RANBP2: variants seen among roughly 807,000 people sequenced by gnomAD.
The protein encoded by RANBP2 is RAN binding protein 2, also known as E3 SUMO-protein ligase RanBP2.
RANBP2 carries 57 observed loss-of-function variants against 303.6 expected under a neutral mutation model. That is an observed-to-expected ratio of 0.19 (90% confidence interval 0.15 to 0.23). The LOEUF (loss-of-function observed/expected upper bound fraction) is 0.23. Ranked by LOEUF, RANBP2 falls within the 10% of genes least tolerant of loss-of-function variation. The probability of loss-of-function intolerance (pLI) is 1.00; values close to 1 mark genes in which losing one functional copy is unlikely to be tolerated. For synonymous variants in RANBP2, 1,167 were observed against 1,301.5 expected, an observed-to-expected ratio of 0.90 and a Z score of 2.23; for missense variants, 3,138 against 3,780.8, an observed-to-expected ratio of 0.83 and a Z score of 4.46.
At chr2:109,449,038 G>GA in the RANBP2 span, 1 of 1,089,994 alleles carries the variant, frequency 9.2e-7, no homozygotes, top group African/African-American at 1.6e-5. Flanking sequence ...GGCCAGGTCT[G>GA]TCTGGAGAAA....
the RANBP2 span, among the ~76,000 whole-genome samples, chr2:108,843,844 TTGTGTGTGTGTG>T: frequency 8.8e-5 from 2 of 22,838 alleles, no homozygotes; most frequent in African/African-American, 1.3e-4. Context: ...AGTTCATGTT[TTGTGTGTGTGTG>T]TGTGTGTGTG....
At chr2:109,276,711 A>G in the RANBP2 span, among the ~76,000 whole-genome samples, 18 of 152,286 alleles carry the variant, frequency 1.2e-4, no homozygotes, top group Non-Finnish European at 1.5e-5. Context: ...CTTGTTTTAA[A>G]TCACATTATT....
the RANBP2 span, among the ~76,000 whole-genome samples, chr2:109,062,787 G>A: frequency 1.3e-5 from 2 of 151,806 alleles, no homozygotes; most frequent in Non-Finnish European, 2.9e-5. Flanking sequence ...TTGATCCCAG[G>A]GATGCTAGGA....
At chr2:108,818,153 A>G in the RANBP2 span, among the ~76,000 whole-genome samples, 1 of 152,090 alleles carries the variant, frequency 6.6e-6, no homozygotes, top group Admixed American at 6.6e-5. Context: ...AAAAAATACA[A>G]AAGTTAGCCA....
chr2:109,586,078 T>C, the RANBP2 span, among the ~76,000 whole-genome samples: 1 of 152,182 alleles, frequency 6.6e-6, no homozygotes, highest in Non-Finnish European at 1.5e-5. Context: ...ATGTATAACA[T>C]TAAAACATTC....
intron 24 of RANBP2, 43 bp from the exon 25 acceptor site, chr2:108,777,087 A>G: frequency 6.4e-7 from 1 of 1,556,496 alleles, no homozygotes; most frequent in Non-Finnish European, 8.8e-7. Context: ...TTTGATATTC[A>G]GCACAAATTA....
chr2:109,303,813 A>G, the RANBP2 span, among the ~76,000 whole-genome samples: 1 of 152,332 alleles, frequency 6.6e-6, no homozygotes, highest in Non-Finnish European at 1.5e-5. Context: ...AGCCATCACC[A>G]CCATCAAGAC....
At chr2:109,549,759 G>C in the RANBP2 span, among the ~76,000 whole-genome samples, 2 of 152,248 alleles carry the variant, frequency 1.3e-5, no homozygotes, top group South Asian at 4.2e-4. Flanking sequence ...GACACCTATA[G>C]TAAAGTTAAG....
chr2:108,949,129 C>T, the RANBP2 span, among the ~76,000 whole-genome samples: 1 of 152,154 alleles, frequency 6.6e-6, no homozygotes, highest in East Asian at 1.9e-4. Context: ...AGGCTTGAAA[C>T]ACCATGCCTG....
the RANBP2 span, among the ~76,000 whole-genome samples, chr2:109,520,555 G>T: frequency 7.0e-6 from 1 of 143,696 alleles, no homozygotes; most frequent in Middle Eastern, 3.8e-3. Flanking sequence ...AGCCGAGATG[G>T]TGCCACTGTA....
chr2:109,387,045 A>C, the RANBP2 span, among the ~76,000 whole-genome samples: 10 of 152,342 alleles, frequency 6.6e-5, no homozygotes, highest in African/African-American at 2.4e-4. Flanking sequence ...AGAAAATTAA[A>C]ATCACCCATA....
At chr2:108,762,714 T>C (rs1676811823) in intron 19 of RANBP2, among the ~76,000 whole-genome samples, 1 of 149,674 alleles carries the variant, frequency 6.7e-6, no homozygotes, top group Non-Finnish European at 1.5e-5. Context: ...CATAGGGTTT[T>C]TGAGGATATT....
chr2:109,254,609 C>T, the RANBP2 span, among the ~76,000 whole-genome samples: 1 of 152,174 alleles, frequency 6.6e-6, no homozygotes, highest in African/African-American at 2.4e-5. Flanking sequence ...TCCCATGACC[C>T]CGTGAGAAGG....
chr2:109,615,863 C>A, the RANBP2 span: 1 of 1,613,916 alleles, frequency 6.2e-7, no homozygotes, highest in Non-Finnish European at 8.5e-7. Flanking sequence ...ATCCAGGGCG[C>A]AAAGCCTCGG....
the RANBP2 span, among the ~76,000 whole-genome samples, chr2:109,588,618 C>G: frequency 6.6e-6 from 1 of 151,910 alleles, no homozygotes; most frequent in Non-Finnish European, 1.5e-5. Context: ...CTCAGCCTCA[C>G]GAGTAGCTGG....
the RANBP2 span, chr2:108,882,653 A>G: frequency 1.3e-5 from 2 of 152,204 alleles, no homozygotes; most frequent in African/African-American, 4.8e-5. Context: ...TTCACTTCCC[A>G]TCCCCTTTCC....
At chr2:109,691,572 C>CA in the RANBP2 span, among the ~76,000 whole-genome samples, 1 of 152,126 alleles carries the variant, frequency 6.6e-6, no homozygotes, top group African/African-American at 2.4e-5. Context: ...TGCCAGCCTC[C>CA]AAAAAGGGGA....
the RANBP2 span, among the ~76,000 whole-genome samples, chr2:109,227,753 G>A: frequency 3.3e-5 from 5 of 152,332 alleles, no homozygotes; most frequent in East Asian, 3.9e-4. Context: ...CGGGTCCAAC[G>A]CAAGTTCTTT....
At chr2:108,965,196 G>C in the RANBP2 span, among the ~76,000 whole-genome samples, 53 of 152,186 alleles carry the variant, frequency 3.5e-4, no homozygotes, top group African/African-American at 5.8e-4. Flanking sequence ...ACAACAAATG[G>C]GCCAGGCGCG....
Sources: allele counts gnomAD v4.1 joint callset (sites outside exome capture counted in the v4.1 genomes callset), GRCh38; gene constraint gnomAD v4.1.1; transcripts MANE v1.5; gene names NCBI Gene and HGNC (gene_info 2026-07-23, HGNC 2026-07-21).